The following CCSER1 variants were observed in gnomAD, a reference collection of about 807,000 sequenced individuals.
The protein encoded by CCSER1 is coiled-coil serine rich protein 1, also known as serine-rich coiled-coil domain-containing protein 1.
CCSER1 carries 41 observed loss-of-function variants against 82.0 expected under a neutral mutation model. That is an observed-to-expected ratio of 0.50 (90% CI 0.39 to 0.65). The LOEUF (loss-of-function observed/expected upper bound fraction) is 0.65. CCSER1 is among the 30% of genes least tolerant of loss of function. The pLI, the probability that CCSER1 is intolerant of heterozygous loss-of-function variation, is 0.00. For missense variants in CCSER1, 1,119 were observed against 1,064.2 expected, an observed-to-expected ratio of 1.05 and a Z score of -0.72; for synonymous variants, 414 against 383.9, an observed-to-expected ratio of 1.08 and a Z score of -0.92.
chr4:90,625,008 T>G (rs7697772), intron 5 of CCSER1, among the ~76,000 whole-genome samples: 6,222 of 152,274 alleles, frequency 0.041, 293 homozygotes, highest in African/African-American at 0.11. Context: ...TCTTTCTTTT[T>G]TTGCCAAGTT....
At chr4:90,850,426 T>G (rs1763736611) in intron 8 of CCSER1, among the ~76,000 whole-genome samples, 1 of 152,174 alleles carries the variant, frequency 6.6e-6, no homozygotes, top group Admixed American at 6.5e-5. Flanking sequence ...CAACCCCAGC[T>G]GTGAAACCAG....
rs146600893 is a variant in CCSER1, at chr4:90,921,733, T to C, written c.2095-1637T>C. Among the ~76,000 whole-genome samples the C allele has an allele frequency of 4.2e-4, 64 of 152,174 alleles. No individual in the cohort carries two copies. In the East Asian group the frequency reaches 0.011, roughly 26 times the overall value. The stretch of plus-strand genomic sequence containing the variant: ...TTGGCAGCTATTTTCCCCTGCTCTA[T>C]ACATGAGTGCATAGACTCTAATTCA... On this transcript the variant is annotated intron_variant, in intron 8 of 10. Coordinates refer to ENST00000509176, the MANE Select transcript of CCSER1 (RefSeq NM_001145065.2).
intron 7 of CCSER1, among the ~76,000 whole-genome samples, chr4:90,772,526 A>G (rs564739807): frequency 1.2e-4 from 19 of 152,198 alleles, no homozygotes; most frequent in Non-Finnish European, 2.5e-4. Context: ...TCGAAAAACT[A>G]ACAAGGAATT....
intron 1 of CCSER1, among the ~76,000 whole-genome samples, chr4:90,153,243 T>G (rs904611168): frequency 6.6e-5 from 10 of 152,062 alleles, no homozygotes; most frequent in Non-Finnish European, 1.3e-4. Context: ...TGCATAGTAT[T>G]CCATGGAGTA....
intron 8 of CCSER1, among the ~76,000 whole-genome samples, chr4:90,820,558 C>T (rs1759602347): frequency 6.6e-6 from 1 of 152,084 alleles, no homozygotes; most frequent in African/African-American, 2.4e-5. Context: ...GAAGCCTTCA[C>T]GAGCTAAACA....
rs565577135 is a variant in CCSER1 at position 91,091,622 on chromosome 4, G to T, written c.2217+5628G>T. Among the ~76,000 whole-genome samples the T allele has an allele frequency of 1.1e-4, 16 of 152,284 alleles. No individual in the cohort carries two copies. The South Asian group carries it at 2.9e-3, about 28-fold the overall frequency. On this transcript the variant is annotated intron_variant, in intron 10 of 10. Transcript: ENST00000509176. ...AGCTTCCGGGTGTGACTGGAGCAGG[G>T]CTTGTCGTCCTCCTCAGGGTTACTT... is the stretch of plus-strand genomic sequence containing the variant.
At chr4:91,377,889 C>T (rs929553314) in intron 10 of CCSER1, among the ~76,000 whole-genome samples, 1 of 152,148 alleles carries the variant, frequency 6.6e-6, no homozygotes, top group African/African-American at 2.4e-5. Context: ...TTAGGTCTAA[C>T]ATTTAAGTCT....
At chr4:91,323,812 A>C (rs1746364544) in intron 10 of CCSER1, among the ~76,000 whole-genome samples, 1 of 152,190 alleles carries the variant, frequency 6.6e-6, no homozygotes, top group Non-Finnish European at 1.5e-5. Context: ...AATTTCTTGA[A>C]TGGAATTCAA....
At chr4:90,130,515 T>C (rs1310620745) in intron 1 of CCSER1, among the ~76,000 whole-genome samples, 1 of 152,148 alleles carries the variant, frequency 6.6e-6, no homozygotes, top group Non-Finnish European at 1.5e-5. Context: ...GAAAAGAACA[T>C]ATAAGGGAAG....
At chr4:90,940,286 CCCTTCCTT>C (rs1000519548) in intron 9 of CCSER1, among the ~76,000 whole-genome samples, 3 of 151,760 alleles carry the variant, frequency 2.0e-5, no homozygotes, top group Admixed American at 1.3e-4. Context: ...CTCCCTTCCT[CCCTTCCTT>C]CCTTCTTTCC....
chr4:91,233,075 CTGTT>C (rs1560533385), intron 10 of CCSER1, among the ~76,000 whole-genome samples: 1 of 151,406 alleles, frequency 6.6e-6, no homozygotes, highest in African/African-American at 2.4e-5. Flanking sequence ...ATATGCTTCT[CTGTT>C]TGGAGTTTTA....
At chr4:91,006,465 A>G (rs2150490188) in intron 9 of CCSER1, among the ~76,000 whole-genome samples, 1 of 150,676 alleles carries the variant, frequency 6.6e-6, no homozygotes, top group East Asian at 2.0e-4. Flanking sequence ...CACCTTTTCT[A>G]TTTGGATGCC....
chr4:90,996,674 C>CCATTG (rs1484821572), intron 9 of CCSER1, among the ~76,000 whole-genome samples: 1 of 152,106 alleles, frequency 6.6e-6, no homozygotes, highest in Non-Finnish European at 1.5e-5. Context: ...ACCTCCTTTA[C>CCATTG]CATTCCCAAA....
At chr4:90,216,350 G>A (rs888631828) in intron 1 of CCSER1, among the ~76,000 whole-genome samples, 2 of 152,166 alleles carry the variant, frequency 1.3e-5, no homozygotes, top group African/African-American at 4.8e-5. Flanking sequence ...ATATAGGAAA[G>A]ACTCAAAGGA....
At chr4:91,194,879 G>GA (rs1735283513) in intron 10 of CCSER1, among the ~76,000 whole-genome samples, 1 of 152,110 alleles carries the variant, frequency 6.6e-6, no homozygotes, top group Non-Finnish European at 1.5e-5. Flanking sequence ...TTTAACAGAG[G>GA]AAAATCTTTA....
chr4:90,179,221 T>C (rs1733261455), intron 1 of CCSER1, among the ~76,000 whole-genome samples: 1 of 148,960 alleles, frequency 6.7e-6, no homozygotes, highest in Admixed American at 6.6e-5. Flanking sequence ...TGATATTGTG[T>C]GTTTAAGAAG....
intron 8 of CCSER1, among the ~76,000 whole-genome samples, chr4:90,862,106 CAT>C (rs1329375959): frequency 2.0e-5 from 3 of 151,316 alleles, no homozygotes; most frequent in South Asian, 2.1e-4. Context: ...AAATTAAAAA[CAT>C]AAAAACTTTG....
chr4:91,106,772 T>A (rs1351611145), intron 10 of CCSER1, among the ~76,000 whole-genome samples: 1 of 152,236 alleles, frequency 6.6e-6, no homozygotes, highest in East Asian at 1.9e-4. Context: ...GCCTCTTTAC[T>A]TTTTTTGTTT....
intron 1 of CCSER1, among the ~76,000 whole-genome samples, chr4:90,243,122 G>T (rs1374276673): frequency 1.4e-5 from 2 of 146,550 alleles, no homozygotes; most frequent in Non-Finnish European, 3.0e-5. Flanking sequence ...GAAGTGTAGT[G>T]GTGTGGTCAT....
Sources: allele counts gnomAD v4.1 joint callset (sites outside exome capture counted in the v4.1 genomes callset), GRCh38; gene constraint gnomAD v4.1.1; transcripts MANE v1.5; gene names NCBI Gene and HGNC (gene_info 2026-07-23, HGNC 2026-07-21).